Variants in CNTNAP2 observed in about 807,000 individuals in gnomAD.
CNTNAP2 encodes contactin associated protein 2, also known as contactin-associated protein-like 2.
Under a neutral mutation model 155.2 loss-of-function variants are expected in CNTNAP2, and 98 were observed. The ratio of observed to expected loss-of-function variants is 0.63; its 90% CI spans 0.54 to 0.75. The LOEUF (loss-of-function observed/expected upper bound fraction) is 0.75. Among genes scored for constraint, CNTNAP2 ranks in the 30% least tolerant of loss-of-function variants. CNTNAP2 has a pLI of 0.00. For missense variants in CNTNAP2, 1,727 were observed against 1,688.1 expected (o/e 1.02, Z -0.40); for synonymous variants, 651 against 631.2 (o/e 1.03, Z -0.47).
At chr7:146,676,825 G>C (rs995060163) in intron 1 of CNTNAP2, among the ~76,000 whole-genome samples, 2 of 152,072 alleles carry the variant, frequency 1.3e-5, no homozygotes, top group African/African-American at 4.8e-5. Context: ...CAGTATGGGG[G>C]AAACTGCCCC....
intron 16 of CNTNAP2, among the ~76,000 whole-genome samples, chr7:148,139,317 C>T (rs1340107205): frequency 2.0e-5 from 3 of 152,118 alleles, no homozygotes; most frequent in Admixed American, 2.0e-4. Flanking sequence ...GAAACTAAAA[C>T]TATACTAAAA....
chr7:147,742,476 C>A (rs1274812622), intron 13 of CNTNAP2, among the ~76,000 whole-genome samples: 3 of 152,164 alleles, frequency 2.0e-5, no homozygotes, highest in Non-Finnish European at 4.4e-5. Flanking sequence ...AGTGTTTCGA[C>A]AGGATGTGCA....
At chr7:146,473,424 A>G (rs1214381002) in intron 1 of CNTNAP2, among the ~76,000 whole-genome samples, 2 of 150,110 alleles carry the variant, frequency 1.3e-5, no homozygotes, top group Non-Finnish European at 3.0e-5. Flanking sequence ...TTCTTTTCCT[A>G]TTTTTTCCTT....
At chr7:148,281,001 A>T (rs1796965357) in intron 21 of CNTNAP2, among the ~76,000 whole-genome samples, 1 of 152,154 alleles carries the variant, frequency 6.6e-6, no homozygotes, top group Non-Finnish European at 1.5e-5. Context: ...CCATTTATTC[A>T]TGGGATATTT....
intron 3 of CNTNAP2, among the ~76,000 whole-genome samples, chr7:146,886,172 G>C (rs988916001): frequency 4.0e-5 from 6 of 149,032 alleles, no homozygotes; most frequent in African/African-American, 1.5e-4. Context: ...CTGGAGGAAT[G>C]TTTTTTCATG....
intron 13 of CNTNAP2, among the ~76,000 whole-genome samples, chr7:147,698,535 A>T (rs894269197): frequency 1.1e-4 from 17 of 152,124 alleles, no homozygotes; most frequent in Admixed American, 9.8e-4. Flanking sequence ...TTTTCATTTC[A>T]CTGCTACATT....
chr7:146,493,034 C>A (rs1164749115), intron 1 of CNTNAP2, among the ~76,000 whole-genome samples: 1 of 152,074 alleles, frequency 6.6e-6, no homozygotes, highest in African/African-American at 2.4e-5. Context: ...AGTCTATAAT[C>A]CAGGCAGACA....
chr7:146,720,459 A>G (rs990475406), intron 1 of CNTNAP2, among the ~76,000 whole-genome samples: 3 of 152,168 alleles, frequency 2.0e-5, no homozygotes, highest in African/African-American at 7.2e-5. Context: ...TACTCTGCTC[A>G]TGCTGAGGCT....
At chr7:147,678,497 A>G (rs773447353) in intron 13 of CNTNAP2, among the ~76,000 whole-genome samples, 5 of 151,840 alleles carry the variant, frequency 3.3e-5, no homozygotes, top group African/African-American at 4.8e-5. Context: ...GGCTTTGTTA[A>G]TACTGTCTTA....
chr7:147,001,142 G>C (rs983075787), intron 3 of CNTNAP2, among the ~76,000 whole-genome samples: 4 of 152,090 alleles, frequency 2.6e-5, no homozygotes, highest in African/African-American at 9.7e-5. Flanking sequence ...ATGCAAAAAT[G>C]TCCGTTCTAC....
intron 18 of CNTNAP2, among the ~76,000 whole-genome samples, chr7:148,185,122 G>A (rs986286506): frequency 6.6e-6 from 1 of 152,096 alleles, no homozygotes; most frequent in Non-Finnish European, 1.5e-5. Flanking sequence ...GTGCTCGCCC[G>A]TCTCTCTGTA....
chr7:146,295,127 G>T (rs1205869421), intron 1 of CNTNAP2, among the ~76,000 whole-genome samples: 1 of 152,164 alleles, frequency 6.6e-6, no homozygotes, highest in African/African-American at 2.4e-5. Context: ...GAGGTAGTCA[G>T]TCATAGTCAC....
intron 1 of CNTNAP2, among the ~76,000 whole-genome samples, chr7:146,257,159 G>T (rs773108545): frequency 5.3e-5 from 8 of 152,132 alleles, no homozygotes; most frequent in Non-Finnish European, 1.2e-4. Context: ...TTTCTTGTTA[G>T]AATTATTCTG....
At chr7:147,596,605 T>C (rs1489089664) in intron 12 of CNTNAP2, among the ~76,000 whole-genome samples, 1 of 152,176 alleles carries the variant, frequency 6.6e-6, no homozygotes. Flanking sequence ...TCTCATTCAT[T>C]CAGCCTTTTG....
chr7:148,201,407 A>AT (rs954827686), intron 18 of CNTNAP2, among the ~76,000 whole-genome samples: 1 of 152,162 alleles, frequency 6.6e-6, no homozygotes, highest in East Asian at 1.9e-4. Context: ...CCTCATCACC[A>AT]TTTTTCTAAT....
intron 15 of CNTNAP2, among the ~76,000 whole-genome samples, chr7:148,050,637 A>C (rs1802871145): frequency 6.6e-6 from 1 of 152,186 alleles, no homozygotes. Flanking sequence ...TTTTTAAGTC[A>C]ACATTAGTGT....
At chr7:146,709,831 G>C (rs1465846755) in intron 1 of CNTNAP2, among the ~76,000 whole-genome samples, 1 of 152,160 alleles carries the variant, frequency 6.6e-6, no homozygotes, top group Non-Finnish European at 1.5e-5. Flanking sequence ...CGGCCGGAGG[G>C]AAAAACAAGT....
At chr7:146,746,804 G>T (rs7810523) in intron 1 of CNTNAP2, among the ~76,000 whole-genome samples, 2 of 152,072 alleles carry the variant, frequency 1.3e-5, no homozygotes, top group African/African-American at 4.8e-5. Context: ...GAATGGTTCT[G>T]ATATTTCAAT....
In CNTNAP2 at chr7:148,301,304, A is replaced by ATATAT. The variant is rs533956682; in HGVS notation, c.3475+34178_3475+34179insTATAT. ...GCGAGACTCCGTCTAAAAAAAAAAA[A>ATATAT]AAATATATATATATATATAGGTTAA... On this transcript the variant is annotated intron_variant, in intron 21 of 23. Coordinates refer to ENST00000361727, the MANE Select transcript of CNTNAP2 (RefSeq NM_014141.6). Among the ~76,000 whole-genome samples the ATATAT allele has an allele frequency of 1.1e-3, 33 of 30,318 alleles. No individual in the cohort carries two copies. The East Asian group carries it at 0.021, about 20-fold the overall frequency. 19.9% of individuals were successfully genotyped at this position (30,318 alleles called of 152,430 possible).
Sources: allele counts gnomAD v4.1 joint callset (sites outside exome capture counted in the v4.1 genomes callset), GRCh38; gene constraint gnomAD v4.1.1; transcripts MANE v1.5; gene names NCBI Gene and HGNC (gene_info 2026-07-23, HGNC 2026-07-21).